GTF3C1: variants seen among roughly 807,000 people sequenced by gnomAD.
GTF3C1 encodes the protein general transcription factor IIIC subunit 1, also known as general transcription factor 3C polypeptide 1.
A neutral mutation model predicts 226.7 loss-of-function variants in GTF3C1; 57 were observed. The observed-to-expected ratio is 0.25, with a 90% CI of 0.20 to 0.31. GTF3C1 has a LOEUF of 0.31. Among genes scored for constraint, GTF3C1 ranks in the 10% least tolerant of loss-of-function variants. GTF3C1 has a pLI of 1.00. For synonymous variants in GTF3C1, 1,090 were observed against 1,084.8 expected, an observed-to-expected ratio of 1.00 and a Z score of -0.09; for missense variants, 2,217 against 2,776.1, an observed-to-expected ratio of 0.80 and a Z score of 4.53.
chr16:27,474,632 C>T (rs967252995), intron 29 of GTF3C1, among the ~76,000 whole-genome samples: 43 of 152,294 alleles, frequency 2.8e-4, no homozygotes, highest in Middle Eastern at 3.4e-3. Flanking sequence ...CAATAAAATA[C>T]GGTCTGTGGA....
intron 29 of GTF3C1, among the ~76,000 whole-genome samples, chr16:27,474,076 C>A (rs2141354098): frequency 6.6e-6 from 1 of 152,338 alleles, no homozygotes; most frequent in South Asian, 2.1e-4. Context: ...CACAGTGAGC[C>A]CACCTGCAGC....
chr16:27,549,631 G>GGCCCCCCCCC, intron 1 of GTF3C1, 39 bp downstream of exon 1: 33 of 691,908 alleles, frequency 4.8e-5, no homozygotes, highest in Non-Finnish European at 6.6e-5. Context: ...CGGGCCCTGC[G>GGCCCCCCCCC]CCCGCCCGCC....
chr16:27,475,918 TA>T (rs1370800710), intron 29 of GTF3C1, among the ~76,000 whole-genome samples: 1 of 152,202 alleles, frequency 6.6e-6, no homozygotes, highest in East Asian at 1.9e-4. Flanking sequence ...TTTTCTGTCT[TA>T]AACATTAGAC....
chr16:27,507,729 TGCCTTCCA>T lies in GTF3C1; in HGVS notation c.1243-581_1243-574del, dbSNP rs2141404632. On this transcript the variant is annotated intron_variant, in intron 8 of 36. Transcript: ENST00000356183. The surrounding 1 kb of genome is among the most constrained non-coding windows in gnomAD (Gnocchi z 4.9). ...GCAGTCACTCACCCAACTATAATAC[TGCCTTCCA>T]GCCAGATGACCAGATCGTGAGCAAG... Among the ~76,000 whole-genome samples, 1 of 152,330 alleles carries T rather than the reference TGCCTTCCA, an allele frequency of 6.6e-6. No homozygotes were observed. Among genetic ancestry groups the T allele is most frequent in the African/African-American group, 2.4e-5 (1 of 41,580 alleles).
intron 24 of GTF3C1, among the ~76,000 whole-genome samples, chr16:27,485,380 G>A (rs939716577): frequency 6.6e-5 from 10 of 152,228 alleles, no homozygotes; most frequent in East Asian, 1.9e-4. Flanking sequence ...GACCAGCCAC[G>A]CCGGTGAGCC....
rs780967025 is a variant in GTF3C1 at position 27,478,535 on chromosome 16, C to A, written c.4197-4G>T. 2 of 1,606,242 alleles carry A rather than the reference C, an allele frequency of 1.2e-6. No homozygotes were observed. Among genetic ancestry groups the A allele is most frequent in the Non-Finnish European group, 1.7e-6 (2 of 1,172,852 alleles). The stretch of plus-strand genomic sequence containing the variant: ...CCCAATTGCCAAAACTCGGTACCTG[C>A]AAAAGAAACATAACAGCATGTCAGT... On this transcript the variant is annotated splice_region_variant and splice_polypyrimidine_tract_variant and intron_variant, in intron 27 of 36. Transcript: ENST00000356183.
chr16:27,480,720 T>C, intron 27 of GTF3C1: 1 of 230,954 alleles, frequency 4.3e-6, no homozygotes, highest in East Asian at 1.0e-4. Flanking sequence ...GCCGAGTGGT[T>C]ACAGACCCTC....
chr16:27,463,337 C>G lies in GTF3C1; in HGVS notation c.5924+204G>C, dbSNP rs915913345. ...TGGAAGCGCAGCCCTCATTCCAGGC[C>G]GACCTGGGCACTGCCAGTGCTCAGC... On this transcript the variant is annotated intron_variant, in intron 35 of 36. Transcript: ENST00000356183. The surrounding 1 kb of genome is among the most constrained non-coding windows in gnomAD (Gnocchi z 4.9). The G allele has an allele frequency of 8.2e-6, 5 of 608,422 alleles. No homozygotes were observed. Among genetic ancestry groups the G allele is most frequent in the Non-Finnish European group, 1.5e-5 (5 of 343,098 alleles). The allele number at this position is 608,422 out of a possible 1,614,324, so 37.7% of individuals were successfully genotyped here.
At position 27,492,811 on chromosome 16, in the gene GTF3C1, C is replaced by G. The variant is rs1046768795; in HGVS notation, c.2877-98G>C. 1 of 761,856 alleles carries G rather than the reference C, an allele frequency of 1.3e-6. No homozygotes were observed. Among genetic ancestry groups the G allele is most frequent in the African/African-American group, 1.7e-5 (1 of 58,314 alleles). The allele number at this position is 761,856 out of a possible 1,614,324, so 47.2% of individuals were successfully genotyped here. A position where few individuals can be genotyped will look rare whatever the true frequency, so the allele number is the denominator to read the frequency against. Reference sequence around the variant, plus strand: ...GTGAGGGGTGCGACTTCCTTCTTCTCTTTTCCACCTGGTGGTCACTGGAGG... The same window carrying G: ...GTGAGGGGTGCGACTTCCTTCTTCTGTTTTCCACCTGGTGGTCACTGGAGG... On this transcript the variant is annotated intron_variant, in intron 17 of 36. Transcript: ENST00000356183. The surrounding 1 kb of genome is among the most constrained non-coding windows in gnomAD (Gnocchi z 5.0).
chr16:27,546,686 T>C (rs1255619082), intron 1 of GTF3C1, among the ~76,000 whole-genome samples: 1 of 151,974 alleles, frequency 6.6e-6, no homozygotes, highest in Non-Finnish European at 1.5e-5. Context: ...CCTACACTAG[T>C]CTAATTGCGG....
rs140598516 is a variant in GTF3C1 at position 27,472,325 on chromosome 16, A to G, written c.4354-405T>C. On this transcript the variant is annotated intron_variant, in intron 29 of 36. Transcript: ENST00000356183. ...TCAGGTGGGCTCTACCTTCCAATGC[A>G]TCGGGTTCGTGCCACCTGCACTGGC... 7.2e-4 allele frequency among the ~76,000 whole-genome samples: 110 copies of G among 152,258 alleles called. 1 individual carries two copies. The East Asian group carries it at 0.019, about 27-fold the overall frequency.
chr16:27,544,931 C>T (rs1461328686), intron 2 of GTF3C1, among the ~76,000 whole-genome samples: 1 of 151,890 alleles, frequency 6.6e-6, no homozygotes, highest in East Asian at 1.9e-4. Context: ...AGTGCTCTGA[C>T]TACACATTCA....
At chr16:27,495,184 G>T in intron 15 of GTF3C1, 27 bp downstream of exon 15, 1 of 1,570,964 alleles carries the variant, frequency 6.4e-7, no homozygotes, top group Non-Finnish European at 8.7e-7. Flanking sequence ...GCCCGCCCCA[G>T]GTGCAGGAGT....
rs986606295 is a variant in GTF3C1, at chr16:27,493,263, G to T, written c.2812C>A (p.Leu938Met). The T allele has an allele frequency of 8.1e-6, 13 of 1,611,472 alleles. No homozygotes were observed. The highest frequency in any genetic ancestry group is 1.3e-5 in the African/African-American group (1 of 75,012). The change falls in exon 17 of 37, where the codon CTG (leucine) becomes ATG (methionine). Residue 938 changes from leucine to methionine, a missense_variant. Around this residue, in one of 12 missense-constraint regions of GTF3C1, gnomAD observed 353 missense variants for 411.7 expected, o/e 0.86. Coordinates refer to ENST00000356183, the MANE Select transcript of GTF3C1 (RefSeq NM_001520.4). ...AAGCGGATCAGCGTGTGCTTCTTCA[G>T]CGGGTCGTTCAGAAATTCCTCCAGG... ...DNLEEFLNDP[L>M]KKHTLIRFLP... is the part of the protein sequence containing the mutation.
rs1473811231 is a variant in GTF3C1 at position 27,492,570 on chromosome 16, C to T, written c.2973+47G>A. 2 of 1,542,096 alleles carry T rather than the reference C, an allele frequency of 1.3e-6. No individual in the cohort carries two copies. Among genetic ancestry groups the T allele is most frequent in the African/African-American group, 2.7e-5 (2 of 73,474 alleles). On this transcript the variant is annotated intron_variant, in intron 18 of 36. Coordinates refer to ENST00000356183, the MANE Select transcript of GTF3C1 (RefSeq NM_001520.4). The surrounding 1 kb of genome is among the most constrained non-coding windows in gnomAD (Gnocchi z 5.0). ...CACATTGGGTCTGGCTGCTTGGAGA[C>T]CGTTTAACAATCAGAATTTCCTTCG... is the stretch of plus-strand genomic sequence containing the variant.
In GTF3C1 at chr16:27,545,393, T is replaced by C. The variant is rs758997063; in HGVS notation, c.352A>G (p.Lys118Glu). 5 of 1,613,804 alleles carry C rather than the reference T, an allele frequency of 3.1e-6. No individual in the cohort carries two copies. Among genetic ancestry groups the C allele is most frequent in the Non-Finnish European group, 4.2e-6 (5 of 1,179,650 alleles). The change falls in exon 2 of 37, where the codon AAG becomes GAG. Residue 118 changes from lysine to glutamate, a missense_variant. Lys to Glu is a moderately conservative substitution (Grantham distance 56). This residue lies in a region of GTF3C1 where 192 missense variants were observed against 251.8 expected (regional missense o/e 0.76). Coordinates refer to ENST00000356183, the MANE Select transcript of GTF3C1 (RefSeq NM_001520.4). ...DGIQGSCRYFKERKNITNDIR... is the reference protein window; with the variant it reads ...DGIQGSCRYFEERKNITNDIR... Reference sequence around the variant, plus strand: ...TCATTGGTAATGTTTTTCCTCTCCTTAAAGTAGCGGCATGAGCCCTGGATG... The same window carrying C: ...TCATTGGTAATGTTTTTCCTCTCCTCAAAGTAGCGGCATGAGCCCTGGATG...
Position 27,469,324 on chromosome 16 carries a change from A to G in GTF3C1, c.5041T>C (p.Cys1681Arg), listed in dbSNP as rs373800019. The change falls in exon 32 of 37, where the codon TGC (cysteine) becomes CGC (arginine). Residue 1681 changes from cysteine (C) to arginine (R), a missense_variant. Coordinates refer to ENST00000356183, the MANE Select transcript of GTF3C1 (RefSeq NM_001520.4). This position sits in a 1 kb window ranked among gnomAD's most constrained non-coding sequence, Gnocchi z 4.5. ...CTGAGCCGGGCGGGCACAGGGGTGC[A>G]GCGGAGCTGGAACTTCATCTGGCAG... ...NSCQMKFQLR[C>R]TPVPARLRPA... The G allele has an allele frequency of 3.2e-6, 5 of 1,581,586 alleles. No individual in the cohort carries two copies. In the African/African-American group the frequency reaches 5.4e-5, roughly 17 times the overall value.
chr16:27,500,363 A>G (rs1456001948), intron 12 of GTF3C1, among the ~76,000 whole-genome samples: 7 of 152,308 alleles, frequency 4.6e-5, no homozygotes, highest in African/African-American at 1.4e-4. Context: ...AAAACTGATG[A>G]GAGCTGTCAA....
chr16:27,512,476 T>C (rs763896864), intron 6 of GTF3C1, among the ~76,000 whole-genome samples: 24 of 152,110 alleles, frequency 1.6e-4, no homozygotes, highest in Non-Finnish European at 2.2e-4. Flanking sequence ...AGGCAAAGCC[T>C]ATCAGTACTA....
Sources: allele counts gnomAD v4.1 joint callset (sites outside exome capture counted in the v4.1 genomes callset), GRCh38; gene constraint gnomAD v4.1.1; regional missense constraint gnomAD v4.1.1; non-coding constraint Gnocchi (gnomAD v3.1); transcripts MANE v1.5; gene names NCBI Gene and HGNC (gene_info 2026-07-23, HGNC 2026-07-21).